The following ATG2B variants were observed in gnomAD, a reference collection of about 807,000 sequenced individuals.
ATG2B encodes the protein autophagy related 2B.
Under a neutral mutation model 241.3 loss-of-function variants are expected in ATG2B, and 121 were observed. The observed-to-expected ratio is 0.50, with a 90% CI of 0.43 to 0.58. The LOEUF is 0.58. Among genes scored for constraint, ATG2B ranks in the 20% least tolerant of loss-of-function variants. ATG2B has a pLI of 0.00. For synonymous variants in ATG2B, 858 were observed against 876.6 expected (o/e 0.98, Z 0.37); for missense variants, 2,306 against 2,491.6 (o/e 0.93, Z 1.59).
intron 22 of ATG2B, 72 bp downstream of exon 22, chr14:96,315,312 T>C: frequency 3.8e-6 from 6 of 1,583,170 alleles, no homozygotes; most frequent in Non-Finnish European, 5.2e-6. Context: ...AGAAAATAAA[T>C]ATGTTGCCTT....
intron 15 of ATG2B, among the ~76,000 whole-genome samples, chr14:96,324,849 T>A (rs776290369): frequency 2.6e-5 from 4 of 151,978 alleles, no homozygotes; most frequent in Non-Finnish European, 2.9e-5. Flanking sequence ...CCTCTTAAGA[T>A]ACGTAAAACC....
chr14:96,325,971 C>T, intron 14 of ATG2B, 49 bp from the exon 15 acceptor site: 1 of 1,556,120 alleles, frequency 6.4e-7, no homozygotes, highest in Non-Finnish European at 8.8e-7. Context: ...AGTAAATGAA[C>T]ATAAATTACA....
In ATG2B at chr14:96,332,550, G is replaced by T; in HGVS notation, c.1313C>A (p.Thr438Asn). 6.2e-7 allele frequency: 1 copy of T among 1,611,688 alleles called. No individual in the cohort carries two copies. Among genetic ancestry groups the T allele is most frequent in the Middle Eastern group, 1.7e-4 (1 of 6,042 alleles). The change falls in exon 9 of 42, where the codon ACT (threonine) becomes AAT (asparagine). Residue 438 changes from threonine (T) to asparagine (N), a missense_variant. By Grantham distance (65) the Thr-to-Asn change is moderately conservative. This residue lies in a region of ATG2B where 1,927 missense variants were observed against 2,011.2 expected (regional missense o/e 0.96). Coordinates refer to ENST00000359933, the MANE Select transcript of ATG2B (RefSeq NM_018036.7). ...TGCTGGGGTATTTGTATATGTACTA[G>T]TTAATGATAACTCAAGGTCCATGTT... ...PPNMDLELSL[T>N]STYTNTPAGS...
At chr14:96,335,059 T>C (rs992621563) in intron 6 of ATG2B, among the ~76,000 whole-genome samples, 1 of 152,182 alleles carries the variant, frequency 6.6e-6, no homozygotes, top group African/African-American at 2.4e-5. Context: ...CAGAAGATGG[T>C]GCTTAGGTGG....
chr14:96,316,814 G>T (rs1887325747), intron 20 of ATG2B, 131 bp from the exon 21 acceptor site: 2 of 717,652 alleles, frequency 2.8e-6, no homozygotes, highest in African/African-American at 3.6e-5. Context: ...TCTAATCCTT[G>T]AACTATTCAA....
In ATG2B at chr14:96,315,722, G is replaced by A. The variant is rs1887292395; in HGVS notation, c.3362-139C>T. 15 of 654,468 alleles carry A rather than the reference G, an allele frequency of 2.3e-5. No individual in the cohort carries two copies. The South Asian group carries it at 2.9e-4, about 13-fold the overall frequency. The allele number at this position is 654,468 out of a possible 1,614,324, so 40.5% of individuals were successfully genotyped here. On this transcript the variant is annotated intron_variant, in intron 21 of 41. Coordinates refer to ENST00000359933, the MANE Select transcript of ATG2B (RefSeq NM_018036.7). ...GAGGCATGATGACAAAAACCAGCAT[G>A]GCATTAATAATCCACTCCTCTTTGC...
In ATG2B at chr14:96,279,388, C is replaced by A. The variant is rs1377512649; in HGVS notation, c.*6367G>T. ...TCACCTGCAGACAGGACTAGATGAC[C>A]ACTCGGGTTCACTCACTCATTCATT... On this transcript the variant is annotated 3_prime_UTR_variant, in exon 42 of 42. Transcript: ENST00000359933. 7.8e-6 allele frequency: 1 copy of A among 128,418 alleles called. No homozygotes were observed. The highest frequency in any genetic ancestry group is 1.6e-5 in the Non-Finnish European group (1 of 62,016). The allele number at this position is 128,418 out of a possible 1,614,324, so 8.0% of individuals were successfully genotyped here. A position where few individuals can be genotyped will look rare whatever the true frequency, so the allele number is the denominator to read the frequency against.
At position 96,311,533 on chromosome 14, in the gene ATG2B, A is replaced by G; in HGVS notation, c.3990+9T>C. The G allele has an allele frequency of 1.3e-6, 2 of 1,581,716 alleles. No individual in the cohort carries two copies. Among genetic ancestry groups the G allele is most frequent in the Non-Finnish European group, 1.7e-6 (2 of 1,160,370 alleles). ...GAACTTAAAATTTTCATTTATTTTA[A>G]TAACTCACTTGCTCTCCATCAGAAT... On this transcript the variant is annotated intron_variant, in intron 27 of 41. Coordinates refer to ENST00000359933, the MANE Select transcript of ATG2B (RefSeq NM_018036.7).
chr14:96,358,192 G>C (rs780446484), intron 1 of ATG2B, among the ~76,000 whole-genome samples: 2 of 151,750 alleles, frequency 1.3e-5, no homozygotes, highest in African/African-American at 4.8e-5. Flanking sequence ...TCCAGAAACT[G>C]GGGGGGGCTG....
intron 18 of ATG2B, among the ~76,000 whole-genome samples, chr14:96,319,101 C>T (rs1788931184): frequency 6.6e-6 from 1 of 152,184 alleles, no homozygotes; most frequent in Non-Finnish European, 1.5e-5. Flanking sequence ...TGAGGCAGCC[C>T]TGCCCCCTTC....
chr14:96,292,432 A>T (rs1317716182), intron 36 of ATG2B, among the ~76,000 whole-genome samples: 2 of 152,194 alleles, frequency 1.3e-5, no homozygotes, highest in Non-Finnish European at 2.9e-5. Flanking sequence ...ATGTACACTT[A>T]CAAAAATTTA....
Position 96,295,342 on chromosome 14 carries a change from G to A in ATG2B, c.5218+140C>T, listed in dbSNP as rs181145989. The A allele has an allele frequency of 3.5e-4, 295 of 839,174 alleles. No homozygotes were observed. The African/African-American group carries it at 4.4e-3, about 12-fold the overall frequency. 52.0% of individuals were successfully genotyped at this position (839,174 alleles called of 1,614,324 possible). ...TATTACTTTTATATAAACAGTATTCGCGAATCAACAAAAATAAACACAGAA... is the reference window on the plus strand; with the variant it reads ...TATTACTTTTATATAAACAGTATTCACGAATCAACAAAAATAAACACAGAA... On this transcript the variant is annotated intron_variant, in intron 35 of 41. Coordinates refer to ENST00000359933, the MANE Select transcript of ATG2B (RefSeq NM_018036.7).
rs1261573714 is a variant in ATG2B, at chr14:96,328,675, T to C, written c.1973A>G (p.Gln658Arg). 2 of 1,599,388 alleles carry C rather than the reference T, an allele frequency of 1.3e-6. No homozygotes were observed. The highest frequency in any genetic ancestry group is 1.7e-6 in the Non-Finnish European group (2 of 1,174,816). ...CAATTATAGAAAAAGATCTCTTACC[T>C]GGGGCCCTCTATTCTCAGAATGCTT... Reference protein sequence around the residue: ...HYKHSENRGPQGNQARLSSVP... With the variant: ...HYKHSENRGPRGNQARLSSVP... The change falls in exon 13 of 42, where the codon CAG (glutamine) becomes CGG (arginine). Residue 658 changes from glutamine to arginine, a missense_variant and splice_region_variant. Physicochemically the swap from Gln to Arg is conservative, Grantham distance 43. This residue lies in a region of ATG2B where 1,927 missense variants were observed against 2,011.2 expected (regional missense o/e 0.96). Transcript: ENST00000359933.
intron 29 of ATG2B, among the ~76,000 whole-genome samples, chr14:96,308,270 A>ATATATCTATG (rs1887045864): frequency 7.2e-5 from 2 of 27,904 alleles, no homozygotes; most frequent in Non-Finnish European, 1.2e-4. Context: ...ATATATATAT[A>ATATATCTATG]TATATATATA....
chr14:96,360,932 C>CCA (rs1448138279), intron 1 of ATG2B, among the ~76,000 whole-genome samples: 4 of 5,090 alleles, frequency 7.9e-4, no homozygotes, highest in African/African-American at 2.0e-3. Flanking sequence ...GAATCCTCTA[C>CCA]CAAAAAAAAA....
At chr14:96,351,897 G>C (rs1215969931) in intron 1 of ATG2B, among the ~76,000 whole-genome samples, 1 of 68,870 alleles carries the variant, frequency 1.5e-5, no homozygotes, top group African/African-American at 6.3e-5. Context: ...GCAAGACCTT[G>C]TCTCAAAAAA....
At position 96,356,866 on chromosome 14, in the gene ATG2B, G is replaced by T. The variant is rs541555563; in HGVS notation, c.162+5949C>A. ...TATTTAACCTCACAGTAAACAGAAA[G>T]TTAGTACCCAATTTAGAGTAAAATA... is the stretch of plus-strand genomic sequence containing the variant. On this transcript the variant is annotated intron_variant, in intron 1 of 41. Transcript: ENST00000359933. Among the ~76,000 whole-genome samples the T allele has an allele frequency of 9.5e-4, 144 of 152,210 alleles. 1 individual carries two copies. The highest frequency in any genetic ancestry group is 3.3e-3 in the African/African-American group (136 of 41,526).
chr14:96,314,534 C>T (rs1887251372), intron 23 of ATG2B, among the ~76,000 whole-genome samples: 1 of 152,230 alleles, frequency 6.6e-6, no homozygotes. Flanking sequence ...TGCTCCTCTA[C>T]GCCAGACATT....
At chr14:96,309,020 C>T (rs1052108765) in intron 29 of ATG2B, among the ~76,000 whole-genome samples, 1 of 152,100 alleles carries the variant, frequency 6.6e-6, no homozygotes, top group Non-Finnish European at 1.5e-5. Context: ...CCAAGATTAC[C>T]TTCTCCTCCC....
Sources: allele counts gnomAD v4.1 joint callset (sites outside exome capture counted in the v4.1 genomes callset), GRCh38; gene constraint gnomAD v4.1.1; regional missense constraint gnomAD v4.1.1; transcripts MANE v1.5; gene names NCBI Gene and HGNC (gene_info 2026-07-23, HGNC 2026-07-21).